Variants in IFT74 observed in about 807,000 individuals in gnomAD.
The protein encoded by IFT74 is intraflagellar transport protein 74 homolog.
Under a neutral mutation model 96.7 loss-of-function variants are expected in IFT74, and 92 were observed. That is an observed-to-expected ratio of 0.95 (90% confidence interval 0.80 to 1.13). The LOEUF is 1.13. Ranked by LOEUF, IFT74 falls within the 50% of genes most tolerant of loss-of-function variation. The pLI is 0.00. For synonymous variants in IFT74, 223 were observed against 213.2 expected (o/e 1.05, Z -0.40); for missense variants, 811 against 698.2 (o/e 1.16, Z -1.82).
chr9:26,996,721 T>C (rs150507020), intron 8 of IFT74, among the ~76,000 whole-genome samples: 252 of 152,308 alleles, frequency 1.7e-3, no homozygotes, highest in African/African-American at 5.6e-3. Context: ...ATTTAGTTTA[T>C]CTGTATTAGT....
At chr9:26,981,470 A>G (rs1341826829) in intron 4 of IFT74, among the ~76,000 whole-genome samples, 3 of 151,976 alleles carry the variant, frequency 2.0e-5, no homozygotes, top group Non-Finnish European at 4.4e-5. Flanking sequence ...GCTGGAGTGC[A>G]GTGGCATGAT....
chr9:26,985,118 C>G (rs964256461), intron 6 of IFT74, among the ~76,000 whole-genome samples: 1 of 152,054 alleles, frequency 6.6e-6, no homozygotes, highest in African/African-American at 2.4e-5. Flanking sequence ...AAATACTATG[C>G]AGTCATAAAA....
chr9:27,045,714 A>C (rs1376790128), intron 14 of IFT74, among the ~76,000 whole-genome samples: 1 of 152,204 alleles, frequency 6.6e-6, no homozygotes, highest in East Asian at 1.9e-4. Flanking sequence ...ATTCTAGCGA[A>C]GTGCTAGAAT....
intron 12 of IFT74, among the ~76,000 whole-genome samples, chr9:27,019,452 T>C (rs1209085028): frequency 6.6e-6 from 1 of 152,034 alleles, no homozygotes; most frequent in African/African-American, 2.4e-5. Flanking sequence ...GAAGATCAGC[T>C]GACTATTGGT....
At chr9:26,998,222 G>A in intron 8 of IFT74, 1 of 1,466,962 alleles carries the variant, frequency 6.8e-7, no homozygotes, top group South Asian at 1.4e-5. Context: ...ATTTTTTTCA[G>A]TAAAATTACA....
intron 13 of IFT74, among the ~76,000 whole-genome samples, chr9:27,039,712 G>A (rs758994659): frequency 2.4e-4 from 36 of 152,044 alleles, no homozygotes; most frequent in Non-Finnish European, 1.5e-5. Flanking sequence ...ATCTAGGGAT[G>A]ATTTAAAGTA....
chr9:27,047,138 C>CTCCA (rs1819726096), intron 14 of IFT74, 136 bp from the exon 15 acceptor site: 2 of 520,884 alleles, frequency 3.8e-6, no homozygotes, highest in African/African-American at 4.0e-5. Context: ...TGCCACTGCA[C>CTCCA]TCCAGCCTGG....
intron 4 of IFT74, among the ~76,000 whole-genome samples, chr9:26,983,040 TTC>T (rs1563949389): frequency 6.6e-6 from 1 of 152,224 alleles, no homozygotes. Context: ...TATTTGTATC[TTC>T]TTTCTCTTTT....
At chr9:26,984,440 A>G in intron 5 of IFT74, 59 bp from the exon 6 acceptor site, 1 of 1,584,128 alleles carries the variant, frequency 6.3e-7, no homozygotes. Flanking sequence ...TGTAATGTTC[A>G]TTTTCTTATG....
intron 8 of IFT74, among the ~76,000 whole-genome samples, chr9:27,004,340 G>A (rs10967655): frequency 0.095 from 14,469 of 152,174 alleles, 767 homozygotes; most frequent in South Asian, 0.24. Flanking sequence ...TCAGCTCAAG[G>A]TAGATTCTGT....
At chr9:26,979,490 T>C (rs1470736976) in intron 3 of IFT74, among the ~76,000 whole-genome samples, 2 of 152,062 alleles carry the variant, frequency 1.3e-5, no homozygotes, top group African/African-American at 4.8e-5. Context: ...TCAAAGCCTT[T>C]TAAGAGAGAA....
intron 12 of IFT74, among the ~76,000 whole-genome samples, chr9:27,027,265 A>G (rs1380552162): frequency 6.6e-6 from 1 of 152,154 alleles, no homozygotes; most frequent in Non-Finnish European, 1.5e-5. Flanking sequence ...TAAAGTAGGA[A>G]GAAATAGAAA....
intron 2 of IFT74, among the ~76,000 whole-genome samples, chr9:26,962,926 A>ATTTTTTTTTTTTTTTTT (rs370313745): frequency 7.3e-6 from 1 of 136,534 alleles, no homozygotes. Flanking sequence ...AACTTTACTA[A>ATTTTTTTTTTTTTTTTT]TTTTTTTTTT....
chr9:26,996,739 T>C (rs989065391), intron 8 of IFT74, among the ~76,000 whole-genome samples: 3 of 152,142 alleles, frequency 2.0e-5, no homozygotes, highest in Non-Finnish European at 2.9e-5. Context: ...AGTGTAGATT[T>C]TATTATTAAT....
chr9:27,044,755 G>T lies in IFT74; in HGVS notation c.1068G>T (p.Gln356His). The change falls in exon 14 of 20, where the codon CAG (glutamine) becomes CAT (histidine). Residue 356 changes from glutamine to histidine, a missense_variant. Coordinates refer to ENST00000380062, the MANE Select transcript of IFT74 (RefSeq NM_025103.4). Reference sequence around the variant, plus strand: ...TATCTCTCATAGGTGAAATGAACCAGAAATACAAGGAGCTAAAGAAAAGGG... The same window carrying T: ...TATCTCTCATAGGTGAAATGAACCATAAATACAAGGAGCTAAAGAAAAGGG... ...DLEEHQGEMN[Q>H]KYKELKKREE... 1 of 1,567,236 alleles carries T rather than the reference G, an allele frequency of 6.4e-7. No individual in the cohort carries two copies. Among genetic ancestry groups the T allele is most frequent in the Non-Finnish European group, 8.7e-7 (1 of 1,146,788 alleles).
chr9:27,040,746 G>A (rs1415473163), intron 13 of IFT74, among the ~76,000 whole-genome samples: 3 of 152,086 alleles, frequency 2.0e-5, no homozygotes, highest in African/African-American at 7.2e-5. Flanking sequence ...CTTGAGTTCA[G>A]GAGAGTTACT....
chr9:27,039,488 G>A (rs1819371437), intron 13 of IFT74, among the ~76,000 whole-genome samples: 1 of 152,150 alleles, frequency 6.6e-6, no homozygotes, highest in African/African-American at 2.4e-5. Context: ...CTTGAGGTCA[G>A]GAGCTTGAAA....
Position 27,060,624 on chromosome 9 carries a change from G to A in IFT74, c.1657G>A (p.Glu553Lys). 6 of 1,599,402 alleles carry A rather than the reference G, an allele frequency of 3.8e-6. No homozygotes were observed. Among genetic ancestry groups the A allele is most frequent in the Non-Finnish European group, 5.1e-6 (6 of 1,171,094 alleles). Residue 553 changes from glutamate to lysine, a missense_variant, in exon 19 of 20, where the codon GAG (glutamate) becomes AAG (lysine). By Grantham distance (56) the Glu-to-Lys change is moderately conservative. Coordinates refer to ENST00000380062, the MANE Select transcript of IFT74 (RefSeq NM_025103.4). ...TTTGGAGAGAAAGTGGCAACACCTT[G>A]AGCAAAATAATTTTGCGATGAAAGA... is the stretch of plus-strand genomic sequence containing the variant. The part of the protein sequence containing the change: ...TNLERKWQHL[E>K]QNNFAMKEFI...
At chr9:26,990,020 G>A (rs970534107) in intron 7 of IFT74, 114 bp from the exon 8 acceptor site, 4 of 472,676 alleles carry the variant, frequency 8.5e-6, no homozygotes, top group African/African-American at 4.1e-5. Context: ...CTTTGTATGT[G>A]GCACTAGGAT....
Sources: allele counts gnomAD v4.1 joint callset (sites outside exome capture counted in the v4.1 genomes callset), GRCh38; gene constraint gnomAD v4.1.1; transcripts MANE v1.5; gene names NCBI Gene and HGNC (gene_info 2026-07-23, HGNC 2026-07-21).